Variants in CRTAC1 observed in about 807,000 individuals in gnomAD.
The protein encoded by CRTAC1 is cartilage acidic protein 1.
In CRTAC1, 37 loss-of-function variants were observed where a neutral mutation model predicts 67.8. The observed-to-expected ratio is 0.55, with a 90% CI of 0.42 to 0.72. The LOEUF (loss-of-function observed/expected upper bound fraction) is 0.72. CRTAC1 is among the 30% of genes least tolerant of loss of function. CRTAC1 has a pLI of 0.00. For missense variants in CRTAC1, 780 were observed against 931.6 expected, an observed-to-expected ratio of 0.84 and a Z score of 2.12; for synonymous variants, 348 against 371.0, an observed-to-expected ratio of 0.94 and a Z score of 0.71.
chr10:98,022,614 G>A (rs1843146729), intron 1 of CRTAC1, among the ~76,000 whole-genome samples: 1 of 151,898 alleles, frequency 6.6e-6, no homozygotes, highest in African/African-American at 2.4e-5. Context: ...GATATGGGGT[G>A]GAGGGGAGAG....
At chr10:97,977,268 A>G (rs1301213869) in intron 2 of CRTAC1, among the ~76,000 whole-genome samples, 1 of 152,210 alleles carries the variant, frequency 6.6e-6, no homozygotes, top group Non-Finnish European at 1.5e-5. Flanking sequence ...GCTGCTCATC[A>G]TGACAGGAGC....
At chr10:98,000,257 G>A (rs915305093) in intron 2 of CRTAC1, among the ~76,000 whole-genome samples, 2 of 152,182 alleles carry the variant, frequency 1.3e-5, no homozygotes, top group African/African-American at 4.8e-5. Context: ...GGAGAGAAGA[G>A]CTGTGACCCC....
chr10:97,886,132 G>T (rs1440339103), intron 11 of CRTAC1, among the ~76,000 whole-genome samples: 1 of 152,098 alleles, frequency 6.6e-6, no homozygotes, highest in Non-Finnish European at 1.5e-5. Flanking sequence ...CCACTGTGGG[G>T]CATGGAGGAA....
intron 2 of CRTAC1, among the ~76,000 whole-genome samples, chr10:97,950,244 CACAGAG>C (rs1436498956): frequency 2.9e-4 from 33 of 112,184 alleles, no homozygotes; most frequent in African/African-American, 1.2e-3. Context: ...CACACACACA[CACAGAG>C]AGAGAGAGAG....
At chr10:97,940,522 C>G (rs2136619313) in intron 2 of CRTAC1, among the ~76,000 whole-genome samples, 1 of 152,356 alleles carries the variant, frequency 6.6e-6, no homozygotes, top group East Asian at 1.9e-4. Flanking sequence ...TCAGTGGCAA[C>G]TGTAAAATAT....
chr10:98,002,047 T>C (rs1043341389), intron 2 of CRTAC1, among the ~76,000 whole-genome samples: 1 of 152,130 alleles, frequency 6.6e-6, no homozygotes, highest in African/African-American at 2.4e-5. Flanking sequence ...CAGCCTCAGC[T>C]CTCTCCTGCC....
At chr10:97,898,090 CAG>C (rs1325594863) in intron 8 of CRTAC1, among the ~76,000 whole-genome samples, 2 of 152,188 alleles carry the variant, frequency 1.3e-5, no homozygotes, top group Non-Finnish European at 2.9e-5. Context: ...CACAGCTGTG[CAG>C]AGACACTTCT....
chr10:97,994,442 T>C (rs922224047), intron 2 of CRTAC1, among the ~76,000 whole-genome samples: 13 of 152,104 alleles, frequency 8.5e-5, no homozygotes, highest in Admixed American at 5.9e-4. Flanking sequence ...TGGCATTAGA[T>C]AAGGAAAGCA....
chr10:97,906,344 G>C (rs1471829713), intron 6 of CRTAC1, among the ~76,000 whole-genome samples: 1 of 152,218 alleles, frequency 6.6e-6, no homozygotes, highest in African/African-American at 2.4e-5. Context: ...GAGGCACCTT[G>C]ACAAGGAGCT....
At chr10:97,951,899 G>C (rs966767609) in intron 2 of CRTAC1, among the ~76,000 whole-genome samples, 1 of 152,070 alleles carries the variant, frequency 6.6e-6, no homozygotes, top group African/African-American at 2.4e-5. Flanking sequence ...GAAATTTTGG[G>C]CCCCATCCCA....
At chr10:97,951,468 G>C (rs1003007692) in intron 2 of CRTAC1, among the ~76,000 whole-genome samples, 8 of 152,186 alleles carry the variant, frequency 5.3e-5, no homozygotes, top group African/African-American at 1.9e-4. Context: ...AGGGGTCTTT[G>C]TTGCAGGCTG....
chr10:97,875,172 C>T (rs1313369928), intron 14 of CRTAC1, among the ~76,000 whole-genome samples: 2 of 152,346 alleles, frequency 1.3e-5, no homozygotes, highest in East Asian at 3.9e-4. Context: ...GGTTGAATTA[C>T]AGCTCTTGCC....
chr10:97,944,462 TA>T (rs1421772322), intron 2 of CRTAC1, among the ~76,000 whole-genome samples: 1 of 151,934 alleles, frequency 6.6e-6, no homozygotes, highest in Non-Finnish European at 1.5e-5. Flanking sequence ...AAGAGTTGCT[TA>T]AAATGACAAC....
chr10:97,951,354 T>C (rs1483160479), intron 2 of CRTAC1, among the ~76,000 whole-genome samples: 5 of 152,242 alleles, frequency 3.3e-5, no homozygotes, highest in African/African-American at 1.2e-4. Context: ...TGTTAACTGA[T>C]GAGTTAAACT....
chr10:97,916,045 C>T (rs1299253806), intron 5 of CRTAC1, among the ~76,000 whole-genome samples: 2 of 152,106 alleles, frequency 1.3e-5, no homozygotes, highest in African/African-American at 4.8e-5. Context: ...ACAATGCCCC[C>T]TTCATGCTCA....
chr10:98,029,025 A>G lies in CRTAC1; in HGVS notation c.24+1424T>C, dbSNP rs1843300349. On this transcript the variant is annotated intron_variant, in intron 1 of 14. Coordinates refer to ENST00000370597, the MANE Select transcript of CRTAC1 (RefSeq NM_018058.7). This position sits in a 1 kb window ranked among gnomAD's most constrained non-coding sequence, Gnocchi z 4.7. ...ATCATCAAGACCCTCAACTCCCTTC[A>G]TTACCTCTTAAATTGACTTTAGGAC... 6.6e-6 allele frequency among the ~76,000 whole-genome samples: 1 copy of G among 152,112 alleles called. No individual in the cohort carries two copies. Among genetic ancestry groups the G allele is most frequent in the Non-Finnish European group, 1.5e-5 (1 of 68,020 alleles).
At chr10:97,880,834 G>A (rs2050203788) in intron 13 of CRTAC1, among the ~76,000 whole-genome samples, 1 of 152,018 alleles carries the variant, frequency 6.6e-6, no homozygotes, top group African/African-American at 2.4e-5. Flanking sequence ...CCTCTGTTCT[G>A]TCTTCTCTAG....
chr10:97,891,155 T>C (rs2050366784), intron 11 of CRTAC1, among the ~76,000 whole-genome samples: 1 of 152,232 alleles, frequency 6.6e-6, no homozygotes, highest in African/African-American at 2.4e-5. Context: ...TCAAATGATA[T>C]TGAGGGAAGG....
chr10:97,923,595 A>G (rs1456985587), intron 3 of CRTAC1, among the ~76,000 whole-genome samples, 195 bp from the exon 4 acceptor site: 1 of 152,146 alleles, frequency 6.6e-6, no homozygotes, highest in Non-Finnish European at 1.5e-5. Flanking sequence ...AGTTGAGGGA[A>G]GAGACTCTGA....
Sources: allele counts gnomAD v4.1 joint callset (sites outside exome capture counted in the v4.1 genomes callset), GRCh38; gene constraint gnomAD v4.1.1; non-coding constraint Gnocchi (gnomAD v3.1); transcripts MANE v1.5; gene names NCBI Gene and HGNC (gene_info 2026-07-23, HGNC 2026-07-21).